The following POLE variants were observed in gnomAD, a reference collection of about 807,000 sequenced individuals.
The protein encoded by POLE is DNA polymerase epsilon, catalytic subunit, also known as DNA polymerase epsilon catalytic subunit A.
In POLE, 188 loss-of-function variants were observed where a neutral mutation model predicts 279.2. That is an observed-to-expected ratio of 0.67 (90% CI 0.60 to 0.76). The LOEUF (loss-of-function observed/expected upper bound fraction) is 0.76, where lower values mean the gene tolerates loss of function less well. Among genes scored for constraint, POLE ranks in the 30% least tolerant of loss-of-function variants. The pLI, the probability that POLE is intolerant of heterozygous loss-of-function variation, is 0.00. For synonymous variants in POLE, 1,214 were observed against 1,172.5 expected, an observed-to-expected ratio of 1.04 and a Z score of -0.72; for missense variants, 2,703 against 3,016.7, an observed-to-expected ratio of 0.90 and a Z score of 2.44.
rs2135962410 is a variant in POLE at position 132,665,452 on chromosome 12, T to C, written c.2320-2A>G. 6.2e-7 allele frequency: 1 copy of C among 1,608,142 alleles called. No homozygotes were observed. The highest frequency in any genetic ancestry group is 8.5e-7 in the Non-Finnish European group (1 of 1,178,296). ...CGCCGAGAGCTTCTTTTTCCACACC[T>C]GAGAAGCACATGAACATGGAGCACC... On this transcript the variant is annotated splice_acceptor_variant, in intron 20 of 48. Transcript: ENST00000320574. LOFTEE classifies it high-confidence loss of function.
chr12:132,675,985 G>A lies in POLE; in HGVS notation c.1020+109C>T. On this transcript the variant is annotated intron_variant, in intron 10 of 48. Coordinates refer to ENST00000320574, the MANE Select transcript of POLE (RefSeq NM_006231.4). This position sits in a 1 kb window ranked among gnomAD's most constrained non-coding sequence, Gnocchi z 4.3. ...AAGACGGTCATACCCTGAGAACAAA[G>A]CTCATGGAGCTGCAATTCTGATCTG... is the stretch of plus-strand genomic sequence containing the variant. 1.1e-6 allele frequency: 1 copy of A among 927,928 alleles called. No homozygotes were observed. Among genetic ancestry groups the A allele is most frequent in the Non-Finnish European group, 1.7e-6 (1 of 594,008 alleles). The allele number at this position is 927,928 out of a possible 1,614,324, so 57.5% of individuals were successfully genotyped here.
chr12:132,649,274 C>T (rs986014790), intron 31 of POLE, 32 bp downstream of exon 31: 5 of 1,600,572 alleles, frequency 3.1e-6, no homozygotes, highest in Non-Finnish European at 4.3e-6. Flanking sequence ...ATCAGCAGAG[C>T]CACTGCCCTC....
chr12:132,653,144 G>T lies in POLE; in HGVS notation c.3583-3255C>A, dbSNP rs540484927. Among the ~76,000 whole-genome samples the T allele has an allele frequency of 7.2e-5, 11 of 152,262 alleles. No individual in the cohort carries two copies. The East Asian group carries it at 9.6e-4, about 13-fold the overall frequency. On this transcript the variant is annotated intron_variant, in intron 29 of 48. Coordinates refer to ENST00000320574, the MANE Select transcript of POLE (RefSeq NM_006231.4). ...CCTGTAATCCCAGTGCTTTGGGGGG[G>T]GCCCAGGCAGGAGGATCACTTGAGC...
At chr12:132,652,337 T>A (rs1443689592) in intron 29 of POLE, among the ~76,000 whole-genome samples, 4 of 140,120 alleles carry the variant, frequency 2.9e-5, no homozygotes, top group Non-Finnish European at 6.2e-5. Flanking sequence ...TTTTTTTTTT[T>A]AAAGACACAG....
rs780296577 is a variant in POLE at position 132,635,973 on chromosome 12, GC to G, written c.5729del (p.Cys1910SerfsTer89). 6.2e-7 allele frequency: 1 copy of G among 1,613,878 alleles called. No individual in the cohort carries two copies. Among genetic ancestry groups the G allele is most frequent in the Non-Finnish European group, 8.5e-7 (1 of 1,179,820 alleles). On this transcript the variant is annotated frameshift_variant, in exon 42 of 49. Transcript: ENST00000320574. LOFTEE classifies it high-confidence loss of function. The stretch of plus-strand genomic sequence containing the variant: ...GATCCATCCAGAGAAGAAATTCCCA[GC>G]ATCGAGAGAAAGAAATTGTCAGAGA... ...FHSLTISFSRCWEFLLWMDPS... is the reference protein window; with the variant it reads ...FHSLTISFSRXWEFLLWMDPS...
Position 132,634,273 on chromosome 12 carries a change from C to G in POLE, c.5917G>C (p.Glu1973Gln). Residue 1973 changes from glutamate (E) to glutamine (Q), a missense_variant, in exon 43 of 49, where the codon GAG becomes CAG. This residue lies in a region of POLE where 1,551 missense variants were observed against 1,686.1 expected (regional missense o/e 0.92). Coordinates refer to ENST00000320574, the MANE Select transcript of POLE (RefSeq NM_006231.4). The surrounding 1 kb of genome is among the most constrained non-coding windows in gnomAD (Gnocchi z 4.0). Reference protein sequence around the residue: ...EEEEAEESNVEDLLENNWNIL... With the variant: ...EEEEAEESNVQDLLENNWNIL... The stretch of plus-strand genomic sequence containing the variant: ...TTCCAGTTGTTTTCCAGTAAATCCT[C>G]CACGTTGGATTCCTCCGCCTCTTCC... The G allele has an allele frequency of 6.2e-7, 1 of 1,614,210 alleles. No homozygotes were observed. Among genetic ancestry groups the G allele is most frequent in the East Asian group, 2.2e-5 (1 of 44,882 alleles).
At chr12:132,659,001 A>G (rs1358778046) in intron 26 of POLE, among the ~76,000 whole-genome samples, 2 of 151,798 alleles carry the variant, frequency 1.3e-5, no homozygotes, top group East Asian at 3.9e-4. Context: ...AGTGGTTTCA[A>G]ACTGTCAGTG....
rs375568764 is a variant in POLE at position 132,634,105 on chromosome 12, C to T, written c.6004+81G>A. On this transcript the variant is annotated intron_variant, in intron 43 of 48. Coordinates refer to ENST00000320574, the MANE Select transcript of POLE (RefSeq NM_006231.4). This position sits in a 1 kb window ranked among gnomAD's most constrained non-coding sequence, Gnocchi z 4.0. ...CTGATTTTCCCTGTCTCCCTTCTTGCGATACCATGGCACAGGAGCCACATC... is the reference window on the plus strand; with the variant it reads ...CTGATTTTCCCTGTCTCCCTTCTTGTGATACCATGGCACAGGAGCCACATC... 6.3e-4 allele frequency: 811 copies of T among 1,281,942 alleles called. 1 individual carries two copies. The highest frequency in any genetic ancestry group is 3.6e-3 in the Middle Eastern group (15 of 4,180). The allele number at this position is 1,281,942 out of a possible 1,614,324, so 79.4% of individuals were successfully genotyped here. A position where few individuals can be genotyped will look rare whatever the true frequency, so the allele number is the denominator to read the frequency against.
intron 30 of POLE, 70 bp downstream of exon 30, chr12:132,649,607 G>A: frequency 1.9e-6 from 3 of 1,600,800 alleles, no homozygotes; most frequent in Non-Finnish European, 2.6e-6. Flanking sequence ...TAGGGGTCAG[G>A]ACGCATCTCG....
chr12:132,668,472 A>T lies in POLE; in HGVS notation c.2057T>A (p.Ile686Asn), dbSNP rs2135976000. Residue 686 changes from isoleucine to asparagine, a missense_variant, in exon 19 of 49, where the codon ATC becomes AAC. Physicochemically the swap from Ile to Asn is moderately radical, Grantham distance 149 (BLOSUM62 -3). This residue lies in a region of POLE where 1,011 missense variants were observed against 1,111.7 expected (regional missense o/e 0.91). Transcript: ENST00000320574. This position sits in a 1 kb window ranked among gnomAD's most constrained non-coding sequence, Gnocchi z 4.0. ...CTTCTCTGACTCCAGCTGGTGCTGG[A>T]TCCGATGGTATTCGCTGCGACTGGC... ...MPASRSEYHR[I>N]QHQLESEKFP... The T allele has an allele frequency of 6.2e-7, 1 of 1,607,862 alleles. No individual in the cohort carries two copies. Among genetic ancestry groups the T allele is most frequent in the Non-Finnish European group, 8.5e-7 (1 of 1,176,776 alleles).
chr12:132,676,420 T>C (rs2043052676), intron 9 of POLE, 126 bp downstream of exon 9: 1 of 750,866 alleles, frequency 1.3e-6, no homozygotes, highest in African/African-American at 1.7e-5. Flanking sequence ...GCTTGGTTGC[T>C]CCCATTCCTG....
chr12:132,680,532 GC>G (rs750193971), intron 3 of POLE, 74 bp downstream of exon 3: 2 of 1,193,190 alleles, frequency 1.7e-6, no homozygotes, highest in Non-Finnish European at 2.5e-6. Flanking sequence ...AGCCTCCCAT[GC>G]CCTCCCTGAC....
In POLE at chr12:132,659,294, C is replaced by A; in HGVS notation, c.3275+1G>T. On this transcript the variant is annotated splice_donor_variant, in intron 26 of 48. Coordinates refer to ENST00000320574, the MANE Select transcript of POLE (RefSeq NM_006231.4). LOFTEE classifies it high-confidence loss of function. ...CTCTCCGTGATGGGGGGAGCCCTCA[C>A]CTCTCCGTGACAGGGGAGCCCTCGG... 6.2e-7 allele frequency: 1 copy of A among 1,613,726 alleles called. No homozygotes were observed. Among genetic ancestry groups the A allele is most frequent in the Non-Finnish European group, 8.5e-7 (1 of 1,179,894 alleles).
chr12:132,678,120 G>A (rs1027535098), intron 6 of POLE, among the ~76,000 whole-genome samples: 10 of 152,202 alleles, frequency 6.6e-5, no homozygotes, highest in African/African-American at 2.2e-4. Flanking sequence ...GGAGGTTGCA[G>A]TGAACCCAGA....
At chr12:132,632,275 C>A (rs763782807) in intron 45 of POLE, 40 bp downstream of exon 45, 2 of 1,502,206 alleles carry the variant, frequency 1.3e-6, no homozygotes, top group East Asian at 4.5e-5. Flanking sequence ...TACACATGTA[C>A]GTTAGTGTCC....
chr12:132,643,831 A>C lies in POLE; in HGVS notation c.4290+6T>G. On this transcript the variant is annotated splice_donor_region_variant and intron_variant, in intron 33 of 48. Transcript: ENST00000320574. The stretch of plus-strand genomic sequence containing the variant: ...CCAGTTCAGTCGAGGGTGGCTGGGG[A>C]GTCACCTGAGTCTCATATACGCCCT... The C allele has an allele frequency of 6.2e-7, 1 of 1,612,034 alleles. No individual in the cohort carries two copies. Among genetic ancestry groups the C allele is most frequent in the Non-Finnish European group, 8.5e-7 (1 of 1,178,396 alleles).
chr12:132,629,723 G>A (rs949534510), intron 45 of POLE, among the ~76,000 whole-genome samples: 13 of 152,220 alleles, frequency 8.5e-5, no homozygotes, highest in Admixed American at 3.3e-4. Flanking sequence ...GCAACAGGAT[G>A]CTTCACTTCT....
rs146672776 is a variant in POLE at position 132,632,203 on chromosome 12, C to T, written c.6330+112G>A. 4.8e-4 allele frequency: 381 copies of T among 799,606 alleles called. 1 individual carries two copies. The East Asian group carries it at 8.4e-3, about 18-fold the overall frequency. The allele number at this position is 799,606 out of a possible 1,614,324, so 49.5% of individuals were successfully genotyped here. On this transcript the variant is annotated intron_variant, in intron 45 of 48. Transcript: ENST00000320574. The stretch of plus-strand genomic sequence containing the variant: ...TCGGTGTCCTTATCTTGCACACATA[C>T]GCTAGCACGTTCATGGTGCACGCAT...
At chr12:132,676,277 A>G in intron 9 of POLE, 73 bp from the exon 10 acceptor site, 1 of 986,780 alleles carries the variant, frequency 1.0e-6, no homozygotes, top group Non-Finnish European at 1.6e-6. Context: ...CACCCTGCCC[A>G]CACACTCTGC....
Sources: gnomAD v4.1 joint callset for allele counts (sites outside exome capture counted in the v4.1 genomes callset) on GRCh38, gnomAD v4.1.1 for gene constraint, gnomAD v4.1.1 regional missense constraint, Gnocchi (gnomAD v3.1) non-coding constraint, MANE v1.5 for transcripts, NCBI Gene and HGNC (gene_info 2026-07-23, HGNC 2026-07-21) for gene names.